Variants in MMP26 observed in about 807,000 individuals in gnomAD.
The protein encoded by MMP26 is matrix metalloproteinase-26.
MMP26 carries 33 observed loss-of-function variants against 31.0 expected under a neutral mutation model. The observed-to-expected ratio is 1.06, with a 90% CI of 0.81 to 1.42. MMP26 has a LOEUF of 1.42. Among genes scored for constraint, MMP26 ranks in the 40% most tolerant of loss-of-function variants. The pLI, the probability that MMP26 is intolerant of heterozygous loss-of-function variation, is 0.00. For missense variants in MMP26, 347 were observed against 316.1 expected, an observed-to-expected ratio of 1.10 and a Z score of -0.74; for synonymous variants, 122 against 114.9, an observed-to-expected ratio of 1.06 and a Z score of -0.40.
intron 2 of MMP26, among the ~76,000 whole-genome samples, chr11:4,964,859 C>A (rs1263256408): frequency 6.6e-6 from 1 of 152,080 alleles, no homozygotes; most frequent in East Asian, 1.9e-4. Context: ...TAAGTGGAGG[C>A]TGAATTATGG....
At chr11:4,788,588 T>C (rs1848979948) in intron 2 of MMP26, among the ~76,000 whole-genome samples, 1 of 152,144 alleles carries the variant, frequency 6.6e-6, no homozygotes, top group Non-Finnish European at 1.5e-5. Context: ...AGCATTAATT[T>C]TTTTTTAACA....
intron 2 of MMP26, among the ~76,000 whole-genome samples, chr11:4,826,563 A>G (rs566125804): frequency 6.6e-6 from 1 of 152,242 alleles, no homozygotes; most frequent in South Asian, 2.1e-4. Context: ...GCCCTGGAGG[A>G]ACCACACAGA....
chr11:4,957,516 C>T (rs562251065), intron 2 of MMP26, among the ~76,000 whole-genome samples: 5 of 152,134 alleles, frequency 3.3e-5, no homozygotes, highest in East Asian at 3.9e-4. Flanking sequence ...TTCCTTTCGT[C>T]CTTTCCCCCG....
chr11:4,809,555 AT>A (rs1849322710), intron 2 of MMP26, among the ~76,000 whole-genome samples: 1 of 152,158 alleles, frequency 6.6e-6, no homozygotes, highest in Non-Finnish European at 1.5e-5. Flanking sequence ...CAACTGAGAG[AT>A]TTTGCTAAGG....
intron 1 of MMP26, among the ~76,000 whole-genome samples, chr11:4,738,856 G>A (rs1354923769): frequency 1.3e-5 from 2 of 151,960 alleles, no homozygotes; most frequent in Non-Finnish European, 1.5e-5. Flanking sequence ...TTATATATAT[G>A]TAGCCTTTTA....
intron 1 of MMP26, chr11:4,711,045 T>C (rs1459482591): frequency 6.6e-6 from 1 of 152,464 alleles, no homozygotes; most frequent in Non-Finnish European, 1.5e-5. Flanking sequence ...AATGCATTTG[T>C]ATTTTAATAG....
At chr11:4,721,968 G>A (rs546958830) in intron 1 of MMP26, among the ~76,000 whole-genome samples, 12 of 152,216 alleles carry the variant, frequency 7.9e-5, no homozygotes, top group Admixed American at 3.3e-4. Flanking sequence ...TCTCTGTCCC[G>A]ACCCAAATCT....
At chr11:4,862,313 AT>A (rs1850173240) in intron 2 of MMP26, among the ~76,000 whole-genome samples, 1 of 152,188 alleles carries the variant, frequency 6.6e-6, no homozygotes, top group African/African-American at 2.4e-5. Context: ...GTAAAGGACT[AT>A]TTTATGGTTC....
chr11:4,754,095 GA>G (rs1269379513), intron 1 of MMP26, among the ~76,000 whole-genome samples: 3 of 135,176 alleles, frequency 2.2e-5, no homozygotes, highest in South Asian at 2.2e-4. Flanking sequence ...CTAAAAGAGA[GA>G]TTTTTTTTTT....
At chr11:4,985,292 C>A (rs1367582649) in intron 2 of MMP26, among the ~76,000 whole-genome samples, 1 of 152,082 alleles carries the variant, frequency 6.6e-6, no homozygotes, top group Non-Finnish European at 1.5e-5. Flanking sequence ...TCTATATCAC[C>A]ATGAGATTTT....
chr11:4,767,599 C>G (rs541312582), intron 2 of MMP26, among the ~76,000 whole-genome samples: 2 of 152,058 alleles, frequency 1.3e-5, no homozygotes, highest in African/African-American at 4.8e-5. Context: ...TTGAACAATG[C>G]TATTATATAA....
intron 2 of MMP26, among the ~76,000 whole-genome samples, chr11:4,773,987 G>T (rs1265495761): frequency 6.6e-6 from 1 of 152,080 alleles, no homozygotes; most frequent in Non-Finnish European, 1.5e-5. Context: ...TTTTATAACT[G>T]CATAGTACTC....
rs115028966 is a variant in MMP26, at chr11:4,749,242, T to G, written c.-216-18028T>G. 2.0e-3 allele frequency among the ~76,000 whole-genome samples: 307 copies of G among 151,906 alleles called. 1 individual carries two copies. Among genetic ancestry groups the G allele is most frequent in the African/African-American group, 7.1e-3 (293 of 41,464 alleles). The stretch of plus-strand genomic sequence containing the variant: ...TTCATTTAATCGAGGAGGTGAAAGA[T>G]CTCTTCAAGGAAAACTACAAAATGC... On this transcript the variant is annotated intron_variant, in intron 1 of 7. Coordinates refer to ENST00000380390, the MANE Select transcript of MMP26 (RefSeq NM_021801.5).
At chr11:4,848,793 T>C (rs949943103) in intron 2 of MMP26, 1 of 1,614,010 alleles carries the variant, frequency 6.2e-7, no homozygotes, top group Non-Finnish European at 8.5e-7. Context: ...CGCTGGGTAG[T>C]GGAGAGGTCG....
At chr11:4,739,346 T>C (rs1848282985) in intron 1 of MMP26, among the ~76,000 whole-genome samples, 1 of 152,222 alleles carries the variant, frequency 6.6e-6, no homozygotes, top group African/African-American at 2.4e-5. Flanking sequence ...GTGAGTTTTC[T>C]TCTCTTTCCT....
intron 2 of MMP26, chr11:4,882,548 C>G (rs775272764): frequency 3.7e-6 from 6 of 1,613,844 alleles, no homozygotes; most frequent in East Asian, 4.5e-5. Context: ...ATTGTTTATT[C>G]TTTTCTCCTA....
chr11:4,845,333 C>G (rs577172951), intron 2 of MMP26, among the ~76,000 whole-genome samples: 1 of 152,146 alleles, frequency 6.6e-6, no homozygotes, highest in East Asian at 1.9e-4. Context: ...CCATACCGTC[C>G]AAAGCACTCT....
chr11:4,846,832 A>T (rs1849876302), intron 2 of MMP26, among the ~76,000 whole-genome samples: 1 of 152,236 alleles, frequency 6.6e-6, no homozygotes, highest in Non-Finnish European at 1.5e-5. Flanking sequence ...TAAGACTGTA[A>T]TTACTCTGTT....
At chr11:4,987,461 C>T (rs1202305995) in intron 2 of MMP26, among the ~76,000 whole-genome samples, 1 of 151,632 alleles carries the variant, frequency 6.6e-6, no homozygotes, top group Non-Finnish European at 1.5e-5. Context: ...CTCTGTCGCC[C>T]AGGCTGGAGT....
Sources: gnomAD v4.1 joint callset for allele counts (sites outside exome capture counted in the v4.1 genomes callset) on GRCh38, gnomAD v4.1.1 for gene constraint, MANE v1.5 for transcripts, NCBI Gene and HGNC (gene_info 2026-07-23, HGNC 2026-07-21) for gene names.